Variants in OCM2 observed in about 807,000 individuals in gnomAD.
The protein encoded by OCM2 is oncomodulin-2.
In OCM2, 6 loss-of-function variants were observed where a neutral mutation model predicts 13.6. The observed-to-expected ratio is 0.44, with a 90% CI of 0.24 to 0.87. The LOEUF (loss-of-function observed/expected upper bound fraction) is 0.87, where lower values mean the gene tolerates loss of function less well. OCM2 is among the 40% of genes least tolerant of loss of function. The pLI, the probability that OCM2 is intolerant of heterozygous loss-of-function variation, is 0.22. For synonymous variants in OCM2, 40 were observed against 50.7 expected, an observed-to-expected ratio of 0.79 and a Z score of 0.90; for missense variants, 118 against 136.8, an observed-to-expected ratio of 0.86 and a Z score of 0.68.
At chr7:97,987,124 C>T in exon 3 of OCM2, 1 of 1,613,848 alleles carries the variant, frequency 6.2e-7, no homozygotes, top group African/African-American at 1.3e-5. Flanking sequence ...GGTCAGTTCT[C>T]TGGCACCACT....
chr7:97,986,340 A>G (rs1326776233), intron 3 of OCM2, among the ~76,000 whole-genome samples: 1 of 151,408 alleles, frequency 6.6e-6, no homozygotes. Flanking sequence ...TTTAATAAGC[A>G]TCTAACGTAG....
At chr7:97,985,193 G>T (rs1794657858) in intron 3 of OCM2, among the ~76,000 whole-genome samples, 2 of 152,080 alleles carry the variant, frequency 1.3e-5, no homozygotes, top group South Asian at 4.1e-4. Context: ...GGCCGAAGCG[G>T]GTGGATCATG....
At chr7:97,988,395 C>A (rs114716013) in intron 2 of OCM2, 21 bp downstream of exon 2, 2 of 1,613,900 alleles carry the variant, frequency 1.2e-6, no homozygotes, top group Non-Finnish European at 8.5e-7. Flanking sequence ...AGGTACCAGA[C>A]AGCCTCAGGA....
chr7:97,990,165 T>A lies in OCM2; in HGVS notation c.-61A>T. ...TAAGCCACAAACAGGAACGTGCACATCCAGGGGAAACACATCTTCCCAGGC... is the reference window on the plus strand; with the variant it reads ...TAAGCCACAAACAGGAACGTGCACAACCAGGGGAAACACATCTTCCCAGGC... On this transcript the variant is annotated 5_prime_UTR_variant, in exon 1 of 4. An upstream start codon of the reference 5' UTR is lost. Coordinates refer to ENST00000257627, the Ensembl canonical transcript of OCM2. 2.0e-6 allele frequency: 3 copies of A among 1,510,110 alleles called. No individual in the cohort carries two copies. In the South Asian group the frequency reaches 3.4e-5, roughly 17 times the overall value. The allele number at this position is 1,510,110 out of a possible 1,614,324, so 93.5% of individuals were successfully genotyped here.
Position 97,988,404 on chromosome 7 carries a change from G to T in OCM2, c.194+12C>A. The T allele has an allele frequency of 1.2e-6, 2 of 1,614,038 alleles. No individual in the cohort carries two copies. Among genetic ancestry groups the T allele is most frequent in the Non-Finnish European group, 1.7e-6 (2 of 1,179,980 alleles). ...AGTGCCAGGTACCAGACAGCCTCAG[G>T]ACAAAGCTTACTTAAGCTCTTCTTC... On this transcript the variant is annotated intron_variant, in intron 2 of 3. Transcript: ENST00000257627.
intron 3 of OCM2, among the ~76,000 whole-genome samples, chr7:97,986,515 C>T (rs1032207291): frequency 1.3e-5 from 2 of 152,054 alleles, no homozygotes; most frequent in Non-Finnish European, 2.9e-5. Context: ...AGGATTCTGC[C>T]TACGGAAGAC....
At position 97,988,613 on chromosome 7, in the gene OCM2, A is replaced by G. The variant is rs570608448; in HGVS notation, c.62-65T>C. ...TCACATTCTATGTTGGGGCCAAGGT[A>G]CTGAAAACACAGATGATTAAAAACA... is the stretch of plus-strand genomic sequence containing the variant. On this transcript the variant is annotated intron_variant, in intron 1 of 3. Coordinates refer to ENST00000257627, the Ensembl canonical transcript of OCM2. The G allele has an allele frequency of 9.4e-4, 1,504 of 1,591,564 alleles. 29 individuals carry two copies. The South Asian group carries it at 0.016, about 17-fold the overall frequency.
intron 3 of OCM2, among the ~76,000 whole-genome samples, chr7:97,986,393 A>G (rs1794671289): frequency 6.6e-6 from 1 of 152,146 alleles, no homozygotes; most frequent in Non-Finnish European, 1.5e-5. Flanking sequence ...GGACCACCAT[A>G]CATTCTGCTG....
chr7:97,990,016 T>TGGGGGG, intron 1 of OCM2, 28 bp downstream of exon 1: 5 of 1,083,832 alleles, frequency 4.6e-6, no homozygotes, highest in Non-Finnish European at 5.6e-6. Flanking sequence ...TGTGAGGAAA[T>TGGGGGG]CCCACCCCCG....
intron 3 of OCM2, among the ~76,000 whole-genome samples, chr7:97,985,418 C>CAAAAAAAAAA (rs60506626): frequency 1.1e-5 from 1 of 89,722 alleles, no homozygotes. Flanking sequence ...GACTCCATCT[C>CAAAAAAAAAA]AAAAAAAAAA....
intron 2 of OCM2, 29 bp from the exon 3 acceptor site, chr7:97,987,185 T>G: frequency 6.2e-7 from 1 of 1,613,092 alleles, no homozygotes; most frequent in Non-Finnish European, 8.5e-7. Flanking sequence ...CCATGGGGAT[T>G]TTCAAAAAGG....
At chr7:97,986,762 G>T (rs1318905117) in intron 3 of OCM2, among the ~76,000 whole-genome samples, 26 of 152,208 alleles carry the variant, frequency 1.7e-4, no homozygotes, top group Non-Finnish European at 8.8e-5. Flanking sequence ...ACAAATAATT[G>T]GCCAGGTAGC....
intron 3 of OCM2, among the ~76,000 whole-genome samples, chr7:97,986,181 G>A (rs1794669452): frequency 6.6e-6 from 1 of 152,156 alleles, no homozygotes; most frequent in African/African-American, 2.4e-5. Context: ...CAAAAGTGCT[G>A]GGATTATAGG....
intron 3 of OCM2, among the ~76,000 whole-genome samples, chr7:97,985,750 T>C (rs993764200): frequency 6.6e-6 from 1 of 152,148 alleles, no homozygotes. Context: ...TTGAACTGAC[T>C]TTCCTCCATT....
intron 2 of OCM2, among the ~76,000 whole-genome samples, chr7:97,988,025 T>A (rs1413945034): frequency 2.0e-5 from 3 of 151,994 alleles, no homozygotes; most frequent in Non-Finnish European, 4.4e-5. Context: ...ACCCCATCTC[T>A]ACTCTAAATA....
intron 1 of OCM2, among the ~76,000 whole-genome samples, chr7:97,989,221 C>T (rs1307262998): frequency 6.6e-6 from 1 of 151,800 alleles, no homozygotes; most frequent in African/African-American, 2.4e-5. Context: ...GTGAGCACCA[C>T]ACCTGGCCCT....
intron 3 of OCM2, among the ~76,000 whole-genome samples, chr7:97,985,306 C>T (rs1046009603): frequency 6.6e-6 from 1 of 151,670 alleles, no homozygotes; most frequent in Non-Finnish European, 1.5e-5. Context: ...GTAGTCCCAG[C>T]TACTTGGGAG....
In OCM2 at chr7:97,985,187, G is replaced by A. The variant is rs1190279996; in HGVS notation, c.305-204C>T. On this transcript the variant is annotated intron_variant, in intron 3 of 3. Transcript: ENST00000257627. ...TGTAATCCCAGCACTTTGGGAGGCC[G>A]AAGCGGGTGGATCATGACATCATGA... Among the ~76,000 whole-genome samples, 5 of 152,122 alleles carry A rather than the reference G, an allele frequency of 3.3e-5. 1 individual carries two copies. The South Asian group carries it at 6.2e-4, about 19-fold the overall frequency.
exon 2 of OCM2, chr7:97,988,441 C>G (rs777688959): frequency 2.4e-5 from 39 of 1,614,048 alleles, no homozygotes; most frequent in Non-Finnish European, 3.3e-5. Context: ...TCCAGATACC[C>G]GCTCTGGTCG....
Sources: allele counts gnomAD v4.1 joint callset (sites outside exome capture counted in the v4.1 genomes callset), GRCh38; gene constraint gnomAD v4.1.1; transcripts MANE v1.5; gene names NCBI Gene and HGNC (gene_info 2026-07-23, HGNC 2026-07-21).